The following OR9Q1 variants were observed in gnomAD, a reference collection of about 807,000 sequenced individuals.
OR9Q1 encodes olfactory receptor family 9 subfamily Q member 1.
For synonymous variants in OR9Q1, 153 were observed against 148.6 expected, an observed-to-expected ratio of 1.03 and a Z score of -0.22; for missense variants, 374 against 378.8, an observed-to-expected ratio of 0.99 and a Z score of 0.11.
At chr11:58,121,432 G>T (rs188563925) in intron 2 of OR9Q1, among the ~76,000 whole-genome samples, 2 of 152,182 alleles carry the variant, frequency 1.3e-5, no homozygotes, top group Non-Finnish European at 2.9e-5. Flanking sequence ...GGACCTGCCA[G>T]AAACCTGGCA....
At chr11:58,030,798 CTG>C in intron 1 of OR9Q1, 1 of 625,382 alleles carries the variant, frequency 1.6e-6, no homozygotes, top group Non-Finnish European at 2.9e-6. Flanking sequence ...CCCTCATGAA[CTG>C]TGAATTCTTT....
rs1853121630 is a variant in OR9Q1, at chr11:58,037,721, T to A, written c.-93+13617T>A. 7.3e-5 allele frequency among the ~76,000 whole-genome samples: 3 copies of A among 40,978 alleles called. 1 individual carries two copies. Among genetic ancestry groups the A allele is most frequent in the Admixed American group, 6.1e-4 (2 of 3,256 alleles). 26.9% of individuals were successfully genotyped at this position (40,978 alleles called of 152,430 possible). ...TTTTTTTTTTTTTTTTTTTTTTTTT[T>A]TTTTTTTTTTTTTTTGAGACGGAGT... On this transcript the variant is annotated intron_variant, in intron 1 of 2. Transcript: ENST00000335397.
chr11:58,082,499 A>G (rs1459551533), intron 2 of OR9Q1, among the ~76,000 whole-genome samples: 1 of 150,008 alleles, frequency 6.7e-6, no homozygotes, highest in African/African-American at 2.4e-5. Context: ...CGCAAGGACA[A>G]AAAACCAAAT....
At chr11:58,120,422 A>G (rs1307848569) in intron 2 of OR9Q1, among the ~76,000 whole-genome samples, 1 of 152,092 alleles carries the variant, frequency 6.6e-6, no homozygotes, top group Admixed American at 6.6e-5. Flanking sequence ...AAGGAAAAGA[A>G]AATTTATTAT....
rs1302221607 is a variant in OR9Q1, at chr11:58,180,270, C to A, written c.826C>A (p.Leu276Ile). 5.6e-6 allele frequency: 9 copies of A among 1,612,942 alleles called. 1 individual carries two copies. In the South Asian group the frequency reaches 6.6e-5, roughly 12 times the overall value. Residue 276 changes from leucine to isoleucine, a missense_variant, in exon 3 of 3, where the codon CTT becomes ATT. Transcript: ENST00000335397. The stretch of plus-strand genomic sequence containing the variant: ...GGAGAAGAATCGGGTAGTGTCTGTG[C>A]TTTACACAGAGGTCATCCCCATGTT... ...SSEKNRVVSVLYTEVIPMLNP... is the reference protein window; with the variant it reads ...SSEKNRVVSVIYTEVIPMLNP...
chr11:58,025,948 A>G (rs1007047872), intron 1 of OR9Q1, among the ~76,000 whole-genome samples: 1 of 151,802 alleles, frequency 6.6e-6, no homozygotes, highest in Non-Finnish European at 1.5e-5. Context: ...CCTTCTTTCC[A>G]CCGTCCCCCA....
intron 2 of OR9Q1, among the ~76,000 whole-genome samples, chr11:58,172,101 A>G (rs762145958): frequency 6.6e-6 from 1 of 152,174 alleles, no homozygotes; most frequent in African/African-American, 2.4e-5. Context: ...CCAGACAAAG[A>G]ATGCTTTGTT....
intron 2 of OR9Q1, among the ~76,000 whole-genome samples, chr11:58,179,034 G>GAGAGAGAGAGAGAGAC (rs1854634014): frequency 6.7e-6 from 1 of 149,254 alleles, no homozygotes; most frequent in Admixed American, 6.8e-5. Flanking sequence ...GAGAGAGAGA[G>GAGAGAGAGAGAGAGAC]AGACAGGCTC....
intron 2 of OR9Q1, among the ~76,000 whole-genome samples, chr11:58,167,630 C>G (rs117252230): frequency 6.6e-6 from 1 of 152,180 alleles, no homozygotes; most frequent in Non-Finnish European, 1.5e-5. Context: ...TGGGTAGGCT[C>G]ATGCATCTAC....
At chr11:58,053,460 A>C in intron 1 of OR9Q1, among the ~76,000 whole-genome samples, 1 of 56,980 alleles carries the variant, frequency 1.8e-5, no homozygotes. Flanking sequence ...GGGTGGGGGG[A>C]GGGGGGAGGG....
At chr11:58,110,076 G>A (rs1853884842) in intron 2 of OR9Q1, among the ~76,000 whole-genome samples, 1 of 152,170 alleles carries the variant, frequency 6.6e-6, no homozygotes, top group African/African-American at 2.4e-5. Flanking sequence ...TCCAGGCAGG[G>A]CCATTCATAC....
chr11:58,102,648 CG>C (rs1853795762), intron 2 of OR9Q1, among the ~76,000 whole-genome samples: 1 of 151,814 alleles, frequency 6.6e-6, no homozygotes, highest in Admixed American at 6.6e-5. Context: ...GTTAGTGGAA[CG>C]GGGATTCCCT....
At chr11:58,107,242 C>G (rs1445824868) in intron 2 of OR9Q1, among the ~76,000 whole-genome samples, 1 of 152,054 alleles carries the variant, frequency 6.6e-6, no homozygotes, top group Non-Finnish European at 1.5e-5. Flanking sequence ...AGGTATTTCT[C>G]CTAATGCTAT....
chr11:58,128,459 G>A (rs1028975718), intron 2 of OR9Q1, among the ~76,000 whole-genome samples: 5 of 152,152 alleles, frequency 3.3e-5, no homozygotes, highest in African/African-American at 1.2e-4. Context: ...TTGCATTAGT[G>A]GAGAAAGAAA....
chr11:58,119,068 A>G (rs1853994921), intron 2 of OR9Q1: 2 of 1,614,016 alleles, frequency 1.2e-6, no homozygotes, highest in African/African-American at 1.3e-5. Flanking sequence ...TGGGTTGCGA[A>G]TGGCAGCATA....
rs533625808 is a variant in OR9Q1, at chr11:58,115,226, C to T, written c.-15+59279C>T. Among the ~76,000 whole-genome samples the T allele has an allele frequency of 5.3e-5, 8 of 152,194 alleles. No homozygotes were observed. In the South Asian group the frequency reaches 1.2e-3, roughly 24 times the overall value. On this transcript the variant is annotated intron_variant, in intron 2 of 2. Transcript: ENST00000335397. The stretch of plus-strand genomic sequence containing the variant: ...TAACAATAACATATGTATTGATATA[C>T]GTATGCACTGTAGAACTGCTAAATC...
At chr11:58,170,045 C>T (rs928204911) in intron 2 of OR9Q1, among the ~76,000 whole-genome samples, 31 of 151,996 alleles carry the variant, frequency 2.0e-4, no homozygotes, top group African/African-American at 7.5e-4. Flanking sequence ...TATCTTTGTC[C>T]CTCTGCTTAG....
At chr11:58,173,198 CA>C (rs1324560075) in intron 2 of OR9Q1, among the ~76,000 whole-genome samples, 1 of 151,728 alleles carries the variant, frequency 6.6e-6, no homozygotes, top group East Asian at 1.9e-4. Flanking sequence ...AGGTTTGTTA[CA>C]TATGTATACA....
chr11:58,029,526 A>G (rs1235994795), intron 1 of OR9Q1, among the ~76,000 whole-genome samples: 1 of 152,194 alleles, frequency 6.6e-6, no homozygotes, highest in Non-Finnish European at 1.5e-5. Flanking sequence ...TTGGGGCTGT[A>G]TTTTAAAACT....
Sources: gnomAD v4.1 joint callset for allele counts (sites outside exome capture counted in the v4.1 genomes callset) on GRCh38, gnomAD v4.1.1 for gene constraint, MANE v1.5 for transcripts, NCBI Gene and HGNC (gene_info 2026-07-23, HGNC 2026-07-21) for gene names.